Variants in LATS2 observed in about 807,000 individuals in gnomAD.
LATS2 encodes the protein serine/threonine-protein kinase LATS2.
LATS2 carries 24 observed loss-of-function variants against 76.0 expected under a neutral mutation model. That is an observed-to-expected ratio of 0.32 (90% CI 0.23 to 0.44). LATS2 has a LOEUF of 0.44. Among genes scored for constraint, LATS2 ranks in the 20% least tolerant of loss-of-function variants. LATS2 has a pLI of 1.00. For synonymous variants in LATS2, 692 were observed against 635.4 expected (o/e 1.09, Z -1.34); for missense variants, 1,286 against 1,481.2 (o/e 0.87, Z 2.16).
At chr13:20,986,026 A>C (rs1042864582) in intron 4 of LATS2, among the ~76,000 whole-genome samples, 3 of 152,154 alleles carry the variant, frequency 2.0e-5, no homozygotes, top group African/African-American at 4.8e-5. Flanking sequence ...CCTGGGCAAC[A>C]AGAGCGAAAC....
intron 2 of LATS2, among the ~76,000 whole-genome samples, chr13:21,040,679 G>T (rs1399066901): frequency 6.6e-6 from 1 of 152,154 alleles, no homozygotes; most frequent in Non-Finnish European, 1.5e-5. Context: ...ATAAGACCAG[G>T]GTCTGGGAGG....
At chr13:21,002,991 C>G (rs9550690) in intron 2 of LATS2, among the ~76,000 whole-genome samples, 14,179 of 152,200 alleles carry the variant, frequency 0.093, 1,280 homozygotes, top group East Asian at 0.44. Context: ...GCATGAGTCA[C>G]TGCACCTGGC....
rs761504627 is a variant in LATS2, at chr13:20,988,454, G to C, written c.1326C>G (p.His442Gln). 2.0e-6 allele frequency: 3 copies of C among 1,527,208 alleles called. No individual in the cohort carries two copies. The highest frequency in any genetic ancestry group is 2.4e-5 in the South Asian group (2 of 83,358). 94.6% of individuals were successfully genotyped at this position (1,527,208 alleles called of 1,614,324 possible). The change falls in exon 4 of 8, where the codon CAC becomes CAG. Residue 442 changes from histidine (H) to glutamine (Q), a missense_variant. Coordinates refer to ENST00000382592, the MANE Select transcript of LATS2 (RefSeq NM_014572.3). ...TCAGCACACGCACGCTCTTCACCGG[G>C]TGCAAGATGTGCGCGGCCGTGACAG... ...VTAVTAAHIL[H>Q]PVKSVRVLRP...
chr13:21,021,534 G>A (rs67879270), intron 2 of LATS2, among the ~76,000 whole-genome samples: 3,041 of 137,494 alleles, frequency 0.022, 51 homozygotes, highest in Middle Eastern at 0.038. Flanking sequence ...TGATATGCAC[G>A]TTTAAGTTTC....
chr13:21,032,369 G>A (rs1038279914), intron 2 of LATS2, among the ~76,000 whole-genome samples: 1 of 152,188 alleles, frequency 6.6e-6, no homozygotes, highest in African/African-American at 2.4e-5. Flanking sequence ...CCGGGTTCAA[G>A]CAATTCTCCT....
rs1870259222 is a variant in LATS2, at chr13:20,988,180, C to T, written c.1600G>A (p.Asp534Asn). 15 of 1,613,482 alleles carry T rather than the reference C, an allele frequency of 9.3e-6. No individual in the cohort carries two copies. Among genetic ancestry groups the T allele is most frequent in the Non-Finnish European group, 1.3e-5 (15 of 1,179,942 alleles). Reference protein sequence around the residue: ...LRSKSEQYDLDSLCAGMEQSL... With the variant: ...LRSKSEQYDLNSLCAGMEQSL... ...TGCTCCATGCCTGCGCACAGGCTGT[C>T]CAGGTCGTACTGCTCCGACTTGCTG... The change falls in exon 4 of 8, where the codon GAC becomes AAC. Residue 534 changes from aspartate to asparagine, a missense_variant. Asp to Asn is a conservative substitution (Grantham distance 23). This residue lies in a region of LATS2 where 710 missense variants were observed against 660.9 expected (regional missense o/e 1.07). Coordinates refer to ENST00000382592, the MANE Select transcript of LATS2 (RefSeq NM_014572.3).
chr13:21,057,612 T>C (rs1046120929), intron 1 of LATS2, among the ~76,000 whole-genome samples: 10 of 151,300 alleles, frequency 6.6e-5, no homozygotes, highest in African/African-American at 2.4e-4. Context: ...GCTACTACGG[T>C]GAAACCCCGT....
chr13:20,984,249 T>C (rs1224843348), intron 4 of LATS2, among the ~76,000 whole-genome samples: 1 of 152,190 alleles, frequency 6.6e-6, no homozygotes, highest in Non-Finnish European at 1.5e-5. Context: ...TGTTTTTTTA[T>C]ATCCATATAT....
At chr13:21,048,416 A>G (rs1873144704) in intron 1 of LATS2, among the ~76,000 whole-genome samples, 1 of 152,232 alleles carries the variant, frequency 6.6e-6, no homozygotes, top group Non-Finnish European at 1.5e-5. Context: ...TCACAAGAAC[A>G]ATCAATGCAA....
intron 2 of LATS2, among the ~76,000 whole-genome samples, chr13:21,040,279 T>C (rs1872823425): frequency 6.6e-6 from 1 of 150,858 alleles, no homozygotes; most frequent in Admixed American, 6.6e-5. Flanking sequence ...CTCAGTTACT[T>C]TGGAGGTTGA....
At chr13:21,026,081 GGAATACCCATC>G (rs1339288861) in intron 2 of LATS2, among the ~76,000 whole-genome samples, 4 of 152,080 alleles carry the variant, frequency 2.6e-5, no homozygotes, top group African/African-American at 9.7e-5. Context: ...ACCAATCCCT[GGAATACCCATC>G]GGATGCCCCA....
intron 2 of LATS2, among the ~76,000 whole-genome samples, chr13:21,043,753 T>G (rs568275779): frequency 6.6e-6 from 1 of 152,340 alleles, no homozygotes; most frequent in East Asian, 1.9e-4. Context: ...TAATTATCAC[T>G]AATGGATTTT....
intron 2 of LATS2, among the ~76,000 whole-genome samples, chr13:21,002,075 G>A (rs1000822745): frequency 4.6e-5 from 7 of 151,326 alleles, no homozygotes; most frequent in Non-Finnish European, 8.8e-5. Context: ...CACCATGCCT[G>A]GCTAATTTTT....
At chr13:20,984,253 C>T (rs146899010) in intron 4 of LATS2, among the ~76,000 whole-genome samples, 37 of 152,084 alleles carry the variant, frequency 2.4e-4, no homozygotes, top group African/African-American at 8.4e-4. Flanking sequence ...TTTTTATATC[C>T]ATATATAGAC....
intron 3 of LATS2, 115 bp from the exon 4 acceptor site, chr13:20,989,419 T>TG (rs1160396102): frequency 2.7e-6 from 3 of 1,110,084 alleles, no homozygotes; most frequent in Admixed American, 4.2e-5. Flanking sequence ...TCTTGAACCC[T>TG]GGGCCCTGAC....
intron 2 of LATS2, among the ~76,000 whole-genome samples, chr13:21,004,115 T>C (rs1871162154): frequency 6.6e-6 from 1 of 152,118 alleles, no homozygotes; most frequent in Non-Finnish European, 1.5e-5. Context: ...CAAAAGAATA[T>C]AACATTCAAA....
chr13:20,988,863 G>T lies in LATS2; in HGVS notation c.917C>A (p.Pro306His). The T allele has an allele frequency of 6.3e-7, 1 of 1,583,044 alleles. No homozygotes were observed. Among genetic ancestry groups the T allele is most frequent in the Non-Finnish European group, 8.5e-7 (1 of 1,170,976 alleles). Residue 306 changes from proline to histidine, a missense_variant, in exon 4 of 8, where the codon CCC (proline) becomes CAC (histidine). Pro to His is a moderately conservative substitution (Grantham distance 77, BLOSUM62 -2). Transcript: ENST00000382592. ...CGGCACGTAGAGCCCGGCGGCAGGG[G>T]GTGGGAAAGCGAGGCCGGCGCCTGG... is the stretch of plus-strand genomic sequence containing the variant. ...GPPGAGLAFP[P>H]PAAGLYVPHP...
chr13:20,987,707 G>A (rs141913267), intron 4 of LATS2, among the ~76,000 whole-genome samples, 174 bp downstream of exon 4: 130 of 152,306 alleles, frequency 8.5e-4, no homozygotes, highest in African/African-American at 3.1e-3. Context: ...CGAAAGGGAG[G>A]TCACACCATT....
intron 5 of LATS2, among the ~76,000 whole-genome samples, chr13:20,982,351 G>A (rs1869929184): frequency 6.6e-6 from 1 of 152,170 alleles, no homozygotes; most frequent in Admixed American, 6.5e-5. Context: ...CGCTCTTGTT[G>A]CCCAGGCTGG....
Sources: gnomAD v4.1 joint callset for allele counts (sites outside exome capture counted in the v4.1 genomes callset) on GRCh38, gnomAD v4.1.1 for gene constraint, gnomAD v4.1.1 regional missense constraint, MANE v1.5 for transcripts, NCBI Gene and HGNC (gene_info 2026-07-23, HGNC 2026-07-21) for gene names.